Variants in HDAC4 observed in about 807,000 individuals in gnomAD.
HDAC4 encodes the protein histone deacetylase 4.
In HDAC4, 16 loss-of-function variants were observed where a neutral mutation model predicts 135.1. The ratio of observed to expected loss-of-function variants is 0.12; its 90% CI spans 0.08 to 0.18. The LOEUF is 0.18. HDAC4 is among the 10% of genes least tolerant of loss of function. The probability of loss-of-function intolerance (pLI) is 1.00; values close to 1 mark genes in which losing one functional copy is unlikely to be tolerated. For synonymous variants in HDAC4, 685 were observed against 653.4 expected, an observed-to-expected ratio of 1.05 and a Z score of -0.74; for missense variants, 1,143 against 1,511.8, an observed-to-expected ratio of 0.76 and a Z score of 4.05.
At chr2:239,236,558 G>T in intron 3 of HDAC4, 35 bp downstream of exon 3, 2 of 1,528,590 alleles carry the variant, frequency 1.3e-6, no homozygotes, top group Non-Finnish European at 1.8e-6. Flanking sequence ...CTCAGCGCAG[G>T]GCCGGCCGGA....
In HDAC4 at chr2:239,323,666, G is replaced by A. The variant is rs188036882; in HGVS notation, c.22+29012C>T. ...GTGCGCCTGGAAAGTGCTTCTTCAC[G>A]TGTGGACATGGGAGAGGTAATGCTG... On this transcript the variant is annotated intron_variant, in intron 2 of 26. Transcript: ENST00000543185. 3.3e-5 allele frequency among the ~76,000 whole-genome samples: 5 copies of A among 152,172 alleles called. No homozygotes were observed. The East Asian group carries it at 9.7e-4, about 29-fold the overall frequency.
At chr2:239,345,078 T>C (rs1160367183) in intron 2 of HDAC4, among the ~76,000 whole-genome samples, 1 of 152,060 alleles carries the variant, frequency 6.6e-6, no homozygotes, top group Non-Finnish European at 1.5e-5. Flanking sequence ...CTGGGAGCCC[T>C]CTTGGGCCTC....
At chr2:239,163,572 C>A (rs568491760) in intron 6 of HDAC4, among the ~76,000 whole-genome samples, 2 of 152,198 alleles carry the variant, frequency 1.3e-5, no homozygotes, top group South Asian at 4.2e-4. Context: ...TGAGTGTACC[C>A]CCAGACCATG....
intron 2 of HDAC4, among the ~76,000 whole-genome samples, chr2:239,260,186 ACT>A (rs1259941730): frequency 6.6e-6 from 1 of 152,160 alleles, no homozygotes; most frequent in African/African-American, 2.4e-5. Flanking sequence ...GCGTGTCCAG[ACT>A]CTGCAGGCGC....
chr2:239,261,702 G>C (rs2049377325), intron 2 of HDAC4, among the ~76,000 whole-genome samples: 1 of 152,220 alleles, frequency 6.6e-6, no homozygotes, highest in African/African-American at 2.4e-5. Context: ...AGCGTCCTAA[G>C]AGGGCCTGGT....
At chr2:239,258,201 GT>G (rs1161467516) in intron 2 of HDAC4, among the ~76,000 whole-genome samples, 1 of 152,072 alleles carries the variant, frequency 6.6e-6, no homozygotes, top group African/African-American at 2.4e-5. Context: ...GAGTAGGAAG[GT>G]GGGCCAGAAG....
At chr2:239,344,565 T>G (rs1692495554) in intron 2 of HDAC4, among the ~76,000 whole-genome samples, 1 of 152,144 alleles carries the variant, frequency 6.6e-6, no homozygotes, top group African/African-American at 2.4e-5. Flanking sequence ...AAATAAGTCC[T>G]TATGTCTACA....
intron 1 of HDAC4, among the ~76,000 whole-genome samples, chr2:239,391,440 C>T (rs1221846045): frequency 2.0e-5 from 3 of 152,178 alleles, no homozygotes; most frequent in Admixed American, 6.5e-5. Context: ...ATCCAAGGCC[C>T]GGTCAGCAGC....
Position 239,210,403 on chromosome 2 carries a change from C to T in HDAC4, c.95-20326G>A, listed in dbSNP as rs1213194122. The stretch of plus-strand genomic sequence containing the variant: ...TATTAAAAGCTCGGAAAAGCAAATC[C>T]AAACCGTATGCTGACTGAGGAAGCA... On this transcript the variant is annotated intron_variant, in intron 3 of 26. Transcript: ENST00000543185. 2.0e-5 allele frequency among the ~76,000 whole-genome samples: 3 copies of T among 152,310 alleles called. No individual in the cohort carries two copies. The East Asian group carries it at 5.8e-4, about 29-fold the overall frequency.
At chr2:239,242,374 GA>G (rs1203663633) in intron 2 of HDAC4, among the ~76,000 whole-genome samples, 1 of 152,160 alleles carries the variant, frequency 6.6e-6, no homozygotes, top group East Asian at 1.9e-4. Context: ...ATTTCTCTCA[GA>G]AATGTTTCAG....
intron 3 of HDAC4, among the ~76,000 whole-genome samples, chr2:239,198,243 G>A (rs564530731): frequency 5.3e-5 from 8 of 152,318 alleles, no homozygotes; most frequent in East Asian, 1.9e-4. Context: ...ATGTGTTGCC[G>A]AGTGTGAGTG....
chr2:239,389,412 A>C (rs1391539759), intron 1 of HDAC4, among the ~76,000 whole-genome samples: 1 of 152,188 alleles, frequency 6.6e-6, no homozygotes, highest in East Asian at 1.9e-4. Context: ...AAGACCACGA[A>C]CCTGCTGGAC....
chr2:239,137,636 A>G (rs987847762), intron 9 of HDAC4, among the ~76,000 whole-genome samples: 2 of 152,076 alleles, frequency 1.3e-5, no homozygotes, highest in African/African-American at 4.8e-5. Context: ...CTCCCCCCAC[A>G]TCCTCATCCA....
chr2:239,064,486 G>A (rs1400879604), intron 24 of HDAC4, among the ~76,000 whole-genome samples: 1 of 152,090 alleles, frequency 6.6e-6, no homozygotes, highest in African/African-American at 2.4e-5. Context: ...CCCTCACATC[G>A]GCCTCAACAG....
At chr2:239,265,464 A>G (rs2125152737) in intron 2 of HDAC4, among the ~76,000 whole-genome samples, 1 of 152,348 alleles carries the variant, frequency 6.6e-6, no homozygotes, top group East Asian at 1.9e-4. Context: ...CCCCACTGTT[A>G]GTGGCCTCCC....
chr2:239,293,587 C>T (rs1020768149), intron 2 of HDAC4, among the ~76,000 whole-genome samples: 9 of 152,162 alleles, frequency 5.9e-5, no homozygotes, highest in Non-Finnish European at 1.3e-4. Context: ...AGCAGGAGCC[C>T]GAGGCCCACC....
chr2:239,213,597 G>T (rs547804157), intron 3 of HDAC4, among the ~76,000 whole-genome samples: 3 of 152,336 alleles, frequency 2.0e-5, no homozygotes, highest in South Asian at 2.1e-4. Flanking sequence ...TTCCAGCTCG[G>T]AGAGTGGCCG....
intron 4 of HDAC4, among the ~76,000 whole-genome samples, chr2:239,178,241 A>G (rs2043898679): frequency 1.3e-5 from 2 of 152,138 alleles, no homozygotes; most frequent in South Asian, 4.2e-4. Context: ...GTCCCCAGTG[A>G]TTGTTCCGTT....
chr2:239,071,686 C>T lies in HDAC4; in HGVS notation c.2751-3079G>A, dbSNP rs146731924. Among the ~76,000 whole-genome samples the T allele has an allele frequency of 4.9e-4, 74 of 152,226 alleles. 1 individual carries two copies. The highest frequency in any genetic ancestry group is 7.5e-4 in the Non-Finnish European group (51 of 68,012). ...GTCTTCAGGATGGTCCTGGGAAAGC[C>T]GTGCTCCATCTCCTGTTATGACACT... is the stretch of plus-strand genomic sequence containing the variant. On this transcript the variant is annotated intron_variant, in intron 22 of 26. Coordinates refer to ENST00000543185, the MANE Select transcript of HDAC4 (RefSeq NM_001378414.1).
Sources: gnomAD v4.1 joint callset for allele counts (sites outside exome capture counted in the v4.1 genomes callset) on GRCh38, gnomAD v4.1.1 for gene constraint, MANE v1.5 for transcripts, NCBI Gene and HGNC (gene_info 2026-07-23, HGNC 2026-07-21) for gene names.